The following ZAP70 variants were observed in gnomAD, a reference collection of about 807,000 sequenced individuals.
ZAP70 encodes the protein zeta chain of T cell receptor associated protein kinase 70.
In ZAP70, 27 loss-of-function variants were observed where a neutral mutation model predicts 65.8. That is an observed-to-expected ratio of 0.41 (90% CI 0.30 to 0.57). The LOEUF (loss-of-function observed/expected upper bound fraction) is 0.57. Ranked by LOEUF, ZAP70 falls within the 20% of genes least tolerant of loss-of-function variation. The probability of loss-of-function intolerance (pLI) is 0.28; values close to 1 mark genes in which losing one functional copy is unlikely to be tolerated. For synonymous variants in ZAP70, 363 were observed against 360.8 expected, an observed-to-expected ratio of 1.01 and a Z score of -0.07; for missense variants, 696 against 870.5, an observed-to-expected ratio of 0.80 and a Z score of 2.52.
intron 8 of ZAP70, chr2:97,734,246 C>A: frequency 2.3e-6 from 2 of 857,686 alleles, no homozygotes; most frequent in Non-Finnish European, 1.7e-6. Flanking sequence ...CACATGCACA[C>A]CCCAGCTGGC....
downstream of ZAP70, among the ~76,000 whole-genome samples, chr2:97,740,953 G>A (rs1466897837): frequency 2.0e-5 from 3 of 152,228 alleles, no homozygotes; most frequent in Non-Finnish European, 4.4e-5. Flanking sequence ...TGGAGGCTGC[G>A]AAGACCCTGA....
chr2:97,738,347 T>G (rs1448100100), intron 13 of ZAP70: 2 of 576,750 alleles, frequency 3.5e-6, no homozygotes, highest in South Asian at 3.9e-5. Context: ...CCTCAGCATC[T>G]AAAACCTCAG....
the ZAP70 span, among the ~76,000 whole-genome samples, chr2:97,747,381 A>G: frequency 6.6e-6 from 1 of 152,388 alleles, no homozygotes; most frequent in Admixed American, 6.5e-5. Flanking sequence ...TTATTCAGCC[A>G]TAAGAAGGAA....
At chr2:97,748,511 G>A in the ZAP70 span, among the ~76,000 whole-genome samples, 1 of 152,190 alleles carries the variant, frequency 6.6e-6, no homozygotes, top group African/African-American at 2.4e-5. Context: ...GGCTGGGCTA[G>A]TGAACTGCAG....
the ZAP70 span, among the ~76,000 whole-genome samples, chr2:97,746,919 A>G: frequency 6.6e-6 from 1 of 152,264 alleles, no homozygotes; most frequent in Non-Finnish European, 1.5e-5. Context: ...AAAGGATTTG[A>G]ACAAACATTT....
In ZAP70 at chr2:97,739,418, C is replaced by G. The variant is rs55724897; in HGVS notation, c.1780C>G (p.Arg594Gly). ...PDFLTVEQRM[R>G]ACYYSLASKV... Reference sequence around the variant, plus strand: ...CTTCCTGACCGTGGAGCAGCGCATGCGAGCCTGTTACTACAGCCTGGCCAG... The same window carrying G: ...CTTCCTGACCGTGGAGCAGCGCATGGGAGCCTGTTACTACAGCCTGGCCAG... The change falls in exon 14 of 14, where the codon CGA (arginine) becomes GGA (glycine). Residue 594 changes from arginine to glycine, a missense_variant. Arg to Gly is a moderately radical substitution (Grantham distance 125). This residue lies in a region of ZAP70 where 78 missense variants were observed against 88.6 expected (regional missense o/e 0.88). Coordinates refer to ENST00000264972, the MANE Select transcript of ZAP70 (RefSeq NM_001079.4). The G allele has an allele frequency of 2.3e-5, 37 of 1,613,578 alleles. No individual in the cohort carries two copies. The highest frequency in any genetic ancestry group is 3.0e-5 in the Non-Finnish European group (35 of 1,179,960).
chr2:97,725,930 A>G (rs916622093), intron 4 of ZAP70, among the ~76,000 whole-genome samples: 1 of 152,032 alleles, frequency 6.6e-6, no homozygotes, highest in African/African-American at 2.4e-5. Flanking sequence ...CCTGGAGCTG[A>G]GTAAGTGAGG....
intron 2 of ZAP70, among the ~76,000 whole-genome samples, 167 bp downstream of exon 2, chr2:97,714,161 G>T (rs938334003): frequency 3.3e-5 from 5 of 152,204 alleles, no homozygotes; most frequent in African/African-American, 1.2e-4. Flanking sequence ...GGCAGACGGG[G>T]CTTGTGGCCA....
intron 9 of ZAP70, 25 bp downstream of exon 9, chr2:97,734,737 G>A: frequency 6.2e-7 from 1 of 1,611,728 alleles, no homozygotes; most frequent in Non-Finnish European, 8.5e-7. Flanking sequence ...GCCGTGGTGG[G>A]AGCACCGCCG....
downstream of ZAP70, among the ~76,000 whole-genome samples, chr2:97,742,298 A>G (rs984674058): frequency 5.3e-5 from 8 of 152,244 alleles, no homozygotes; most frequent in African/African-American, 1.7e-4. Flanking sequence ...TTTAGATGGG[A>G]AAAATATCTT....
At chr2:97,724,894 G>A in intron 3 of ZAP70, 198 bp from the exon 4 acceptor site, 1 of 1,533,190 alleles carries the variant, frequency 6.5e-7, no homozygotes, top group Non-Finnish European at 8.7e-7. Flanking sequence ...GCGCTGGAAG[G>A]TGGGGGTGGT....
At chr2:97,729,111 C>G (rs1035863205) in intron 4 of ZAP70, among the ~76,000 whole-genome samples, 1 of 152,202 alleles carries the variant, frequency 6.6e-6, no homozygotes, top group Non-Finnish European at 1.5e-5. Flanking sequence ...CTACTGACTG[C>G]TCCTTTCACA....
intron 4 of ZAP70, among the ~76,000 whole-genome samples, chr2:97,725,703 G>A (rs749115381): frequency 2.0e-5 from 3 of 152,338 alleles, no homozygotes; most frequent in Non-Finnish European, 4.4e-5. Context: ...GGTGGTAAGC[G>A]CCGTGTGTGC....
At chr2:97,748,905 C>T in the ZAP70 span, among the ~76,000 whole-genome samples, 59 of 151,970 alleles carry the variant, frequency 3.9e-4, 2 homozygotes, top group East Asian at 0.011. Flanking sequence ...GAGCCCGGGG[C>T]TGATTGCGGA....
Position 97,725,242 on chromosome 2 carries a change from G to A in ZAP70, c.553G>A (p.Gly185Ser), listed in dbSNP as rs1481187788. ...RKLYSGAQTD[G>S]KFLLRPRKEQ... ...ACTTTACTCTGGGGCGCAGACCGAC[G>A]GCAAGTTCCTGTATGTGGGGCCCGG... is the stretch of plus-strand genomic sequence containing the variant. The change falls in exon 4 of 14, where the codon GGC (glycine) becomes AGC (serine). Residue 185 changes from glycine (G) to serine (S), a missense_variant. Physicochemically the swap from Gly to Ser is moderately conservative, Grantham distance 56. Transcript: ENST00000264972. 4 of 1,613,184 alleles carry A rather than the reference G, an allele frequency of 2.5e-6. No individual in the cohort carries two copies. Among genetic ancestry groups the A allele is most frequent in the Non-Finnish European group, 3.4e-6 (4 of 1,179,316 alleles).
At chr2:97,716,059 G>T (rs539927282) in intron 2 of ZAP70, among the ~76,000 whole-genome samples, 1 of 152,168 alleles carries the variant, frequency 6.6e-6, no homozygotes, top group Non-Finnish European at 1.5e-5. Context: ...ACCCAGGCTG[G>T]GGAGGGGGCA....
chr2:97,718,686 T>A (rs545093444), intron 2 of ZAP70, among the ~76,000 whole-genome samples: 3 of 152,136 alleles, frequency 2.0e-5, no homozygotes, highest in Non-Finnish European at 4.4e-5. Flanking sequence ...CCTCATCTCC[T>A]CTTCTGCCCT....
intron 2 of ZAP70, among the ~76,000 whole-genome samples, chr2:97,717,040 T>C (rs1676946247): frequency 1.3e-5 from 2 of 152,238 alleles, no homozygotes; most frequent in South Asian, 2.1e-4. Flanking sequence ...CCTGCAGCCA[T>C]GGCTAACTGC....
the ZAP70 span, among the ~76,000 whole-genome samples, chr2:97,751,470 T>A: frequency 6.6e-6 from 1 of 152,194 alleles, no homozygotes; most frequent in East Asian, 1.9e-4. Flanking sequence ...TAATGGTAAT[T>A]TCTTAAGATG....
Sources: gnomAD v4.1 joint callset for allele counts (sites outside exome capture counted in the v4.1 genomes callset) on GRCh38, gnomAD v4.1.1 for gene constraint, gnomAD v4.1.1 regional missense constraint, MANE v1.5 for transcripts, NCBI Gene and HGNC (gene_info 2026-07-23, HGNC 2026-07-21) for gene names.